Variants in SLC5A8 observed in about 807,000 individuals in gnomAD.
SLC5A8 encodes sodium-coupled monocarboxylate transporter 1.
A neutral mutation model predicts 71.9 loss-of-function variants in SLC5A8; 55 were observed. The ratio of observed to expected loss-of-function variants is 0.77; its 90% CI spans 0.62 to 0.96. SLC5A8 has a LOEUF of 0.96. Among genes scored for constraint, SLC5A8 ranks in the 40% least tolerant of loss-of-function variants. The pLI, the probability that SLC5A8 is intolerant of heterozygous loss-of-function variation, is 0.00. For synonymous variants in SLC5A8, 307 were observed against 276.1 expected (o/e 1.11, Z -1.11); for missense variants, 701 against 745.3 (o/e 0.94, Z 0.69).
At chr12:101,177,575 A>G (rs1384858054) in intron 10 of SLC5A8, among the ~76,000 whole-genome samples, 1 of 152,094 alleles carries the variant, frequency 6.6e-6, no homozygotes, top group Non-Finnish European at 1.5e-5. Flanking sequence ...TAATTCAGCA[A>G]TATATAAAAA....
At chr12:101,178,628 T>C (rs2051903326) in intron 10 of SLC5A8, among the ~76,000 whole-genome samples, 2 of 152,168 alleles carry the variant, frequency 1.3e-5, no homozygotes, top group Admixed American at 1.3e-4. Context: ...AATGTCAACC[T>C]AAGTCTCACA....
At chr12:101,163,290 T>C (rs957978498) in intron 12 of SLC5A8, among the ~76,000 whole-genome samples, 10 of 152,236 alleles carry the variant, frequency 6.6e-5, no homozygotes, top group African/African-American at 2.4e-4. Flanking sequence ...TTTTGATAGC[T>C]GCTTGATTTA....
chr12:101,159,071 G>C (rs2051702280), intron 13 of SLC5A8, among the ~76,000 whole-genome samples: 1 of 151,928 alleles, frequency 6.6e-6, no homozygotes, highest in African/African-American at 2.4e-5. Context: ...AATCATTCAA[G>C]GAATGTACTT....
chr12:101,158,843 T>C (rs141536977), intron 13 of SLC5A8, among the ~76,000 whole-genome samples: 131 of 150,454 alleles, frequency 8.7e-4, no homozygotes, highest in African/African-American at 2.8e-3. Context: ...AATATACATG[T>C]CTATGAAGAA....
Position 101,170,253 on chromosome 12 carries a change from C to T in SLC5A8, c.1234-2071G>A, listed in dbSNP as rs113494275. 6.9e-3 allele frequency among the ~76,000 whole-genome samples: 1,044 copies of T among 152,244 alleles called. 13 individuals are homozygous for T. Among genetic ancestry groups the T allele is most frequent in the African/African-American group, 0.023 (971 of 41,542 alleles). On this transcript the variant is annotated intron_variant, in intron 10 of 14. Coordinates refer to ENST00000536262, the MANE Select transcript of SLC5A8 (RefSeq NM_145913.5). ...AATGCTCTCTAATCAGAAGAGCAAACGCCACAGGAGGTGAAAGACCCTTCA... is the reference window on the plus strand; with the variant it reads ...AATGCTCTCTAATCAGAAGAGCAAATGCCACAGGAGGTGAAAGACCCTTCA...
intron 7 of SLC5A8, among the ~76,000 whole-genome samples, chr12:101,186,031 C>T (rs1479222021): frequency 6.6e-6 from 1 of 151,168 alleles, no homozygotes; most frequent in African/African-American, 2.4e-5. Flanking sequence ...GCAAGCAAGA[C>T]ACCCTGAATG....
At position 101,179,906 on chromosome 12, in the gene SLC5A8, T is replaced by C. The variant is rs2137141588; in HGVS notation, c.1233+123A>G. The C allele has an allele frequency of 1.9e-5, 18 of 969,252 alleles. No individual in the cohort carries two copies. The South Asian group carries it at 2.4e-4, about 13-fold the overall frequency. 60.0% of individuals were successfully genotyped at this position (969,252 alleles called of 1,614,324 possible). On this transcript the variant is annotated intron_variant, in intron 10 of 14. Transcript: ENST00000536262. ...TAAAAAAAATTAAAAAGTGTAGTCA[T>C]CCCTGCCACTTGATATGTCCAGGTG... is the stretch of plus-strand genomic sequence containing the variant.
intron 9 of SLC5A8, among the ~76,000 whole-genome samples, chr12:101,180,716 T>C (rs58985748): frequency 0.04 from 5,973 of 150,680 alleles, 472 homozygotes; most frequent in African/African-American, 0.14. Context: ...CCAGACTTCT[T>C]TAAAAAAATT....
intron 3 of SLC5A8, among the ~76,000 whole-genome samples, chr12:101,198,503 G>A (rs192032205): frequency 1.3e-5 from 2 of 152,020 alleles, no homozygotes; most frequent in Admixed American, 6.5e-5. Context: ...GGTATTATAT[G>A]CAGTTTTATG....
rs111827429 is a variant in SLC5A8, at chr12:101,173,999, A to G, written c.1234-5817T>C. ...TAAGAATAATTTTGGCAGGTTTTTC[A>G]TGGTGGCAATTTCACAACAGAGGCA... is the stretch of plus-strand genomic sequence containing the variant. On this transcript the variant is annotated intron_variant, in intron 10 of 14. Transcript: ENST00000536262. Among the ~76,000 whole-genome samples the G allele has an allele frequency of 7.9e-3, 1,199 of 152,222 alleles. 15 individuals are homozygous for G. The highest frequency in any genetic ancestry group is 0.027 in the African/African-American group (1,133 of 41,510).
rs908347614 is a variant in SLC5A8, at chr12:101,158,213, A to T, written c.1710+36T>A. 2.8e-6 allele frequency: 4 copies of T among 1,411,774 alleles called. No homozygotes were observed. In the African/African-American group the frequency reaches 5.8e-5, roughly 20 times the overall value. The allele number at this position is 1,411,774 out of a possible 1,614,324, so 87.5% of individuals were successfully genotyped here. ...GTGTTCTATCCAGGTAATAAAGCCC[A>T]GTTTCCTAACTCAAGGTAAATGAAA... is the stretch of plus-strand genomic sequence containing the variant. On this transcript the variant is annotated intron_variant, in intron 14 of 14. Transcript: ENST00000536262.
At chr12:101,158,638 C>CAT (rs1183782846) in intron 13 of SLC5A8, among the ~76,000 whole-genome samples, 2 of 77,094 alleles carry the variant, frequency 2.6e-5, no homozygotes, top group Non-Finnish European at 5.7e-5. Context: ...ATATATGTAT[C>CAT]ATATATATGT....
At chr12:101,159,973 G>A (rs2137120036) in intron 13 of SLC5A8, among the ~76,000 whole-genome samples, 1 of 152,340 alleles carries the variant, frequency 6.6e-6, no homozygotes, top group South Asian at 2.1e-4. Flanking sequence ...CCTGAGGTCA[G>A]GAGTTCGAGA....
At chr12:101,176,188 A>G (rs2051878355) in intron 10 of SLC5A8, among the ~76,000 whole-genome samples, 2 of 152,092 alleles carry the variant, frequency 1.3e-5, no homozygotes, top group Admixed American at 1.3e-4. Flanking sequence ...AATGGAAAGT[A>G]GAAGTAACTA....
chr12:101,192,197 G>C (rs971267647), intron 5 of SLC5A8, among the ~76,000 whole-genome samples: 1 of 152,158 alleles, frequency 6.6e-6, no homozygotes, highest in Non-Finnish European at 1.5e-5. Context: ...GTGGAACCAA[G>C]GTCCAAGCTA....
chr12:101,190,537 C>G lies in SLC5A8; in HGVS notation c.764G>C (p.Ser255Thr). 6.2e-7 allele frequency: 1 copy of G among 1,613,250 alleles called. No individual in the cohort carries two copies. Among genetic ancestry groups the G allele is most frequent in the Non-Finnish European group, 8.5e-7 (1 of 1,179,680 alleles). The part of the protein sequence containing the change: ...IIIGGTFTWT[S>T]IYGVNQSQVQ... ...CTGGGATTGGTTGACACCGTAGATG[C>G]TGGTCCATGTGAAGGTCCCTCCTAT... is the stretch of plus-strand genomic sequence containing the variant. Residue 255 changes from serine to threonine, a missense_variant, in exon 6 of 15, where the codon AGC (serine) becomes ACC (threonine). Physicochemically the swap from Ser to Thr is moderately conservative, Grantham distance 58. Transcript: ENST00000536262.
At chr12:101,162,310 G>A (rs1007731673) in intron 12 of SLC5A8, among the ~76,000 whole-genome samples, 4 of 152,172 alleles carry the variant, frequency 2.6e-5, no homozygotes, top group African/African-American at 9.7e-5. Flanking sequence ...TCTGCATGAT[G>A]TCCCAGGCAC....
At chr12:101,207,870 G>A (rs1247150145) in intron 1 of SLC5A8, among the ~76,000 whole-genome samples, 1 of 151,944 alleles carries the variant, frequency 6.6e-6, no homozygotes, top group Non-Finnish European at 1.5e-5. Flanking sequence ...CACATTTTTT[G>A]ATAAAGACAT....
At chr12:101,192,556 C>G (rs1280624995) in intron 5 of SLC5A8, among the ~76,000 whole-genome samples, 1 of 152,168 alleles carries the variant, frequency 6.6e-6, no homozygotes, top group Non-Finnish European at 1.5e-5. Context: ...TTTCAATATT[C>G]TTTTGAATTG....
Sources: allele counts gnomAD v4.1 joint callset (sites outside exome capture counted in the v4.1 genomes callset), GRCh38; gene constraint gnomAD v4.1.1; transcripts MANE v1.5; gene names NCBI Gene and HGNC (gene_info 2026-07-23, HGNC 2026-07-21).